The following CALN1 variants were observed in gnomAD, a reference collection of about 807,000 sequenced individuals.
CALN1 encodes the protein calneuron 1, also known as calcium-binding protein 8.
Under a neutral mutation model 30.6 loss-of-function variants are expected in CALN1, and 17 were observed. The observed-to-expected ratio is 0.56, with a 90% CI of 0.38 to 0.83. The LOEUF is 0.83. Among genes scored for constraint, CALN1 ranks in the 40% least tolerant of loss-of-function variants. The pLI is 0.00. For missense variants in CALN1, 291 were observed against 354.9 expected (o/e 0.82, Z 1.45); for synonymous variants, 156 against 131.4 (o/e 1.19, Z -1.28).
intron 1 of CALN1, among the ~76,000 whole-genome samples, chr7:72,406,287 A>G (rs4615448): frequency 0.21 from 32,661 of 152,136 alleles, 3,783 homozygotes; most frequent in Non-Finnish European, 0.26. Flanking sequence ...GCATCTGCAC[A>G]TAAGACAGAC....
At chr7:71,823,813 C>T (rs1788744926) in intron 5 of CALN1, among the ~76,000 whole-genome samples, 1 of 152,016 alleles carries the variant, frequency 6.6e-6, no homozygotes, top group Non-Finnish European at 1.5e-5. Context: ...TTCCACATGG[C>T]TAGGGAGGCC....
At chr7:72,362,253 C>G (rs916623110) in intron 2 of CALN1, among the ~76,000 whole-genome samples, 2 of 152,164 alleles carry the variant, frequency 1.3e-5, no homozygotes, top group Non-Finnish European at 1.5e-5. Flanking sequence ...TTATGTCTAC[C>G]AATTTGATGA....
intron 3 of CALN1, among the ~76,000 whole-genome samples, chr7:72,203,400 C>T (rs997516613): frequency 6.6e-6 from 1 of 151,990 alleles, no homozygotes; most frequent in Non-Finnish European, 1.5e-5. Flanking sequence ...ATGAGTAGGT[C>T]ATAGGTCATG....
chr7:72,209,741 CT>C lies in CALN1; in HGVS notation c.244+68944del, dbSNP rs1487368152. The stretch of plus-strand genomic sequence containing the variant: ...CCCTAAGCATCCATTACTCTACCAG[CT>C]GTCTCTATAGACTTGTCTATTCGGG... On this transcript the variant is annotated intron_variant, in intron 3 of 6. Transcript: ENST00000395275. Among the ~76,000 whole-genome samples the C allele has an allele frequency of 4.6e-5, 7 of 152,276 alleles. No homozygotes were observed. The South Asian group carries it at 1.5e-3, about 32-fold the overall frequency.
At chr7:71,967,884 C>T (rs966487838) in intron 5 of CALN1, among the ~76,000 whole-genome samples, 7 of 152,132 alleles carry the variant, frequency 4.6e-5, no homozygotes, top group Non-Finnish European at 1.0e-4. Context: ...CTAAGAATAT[C>T]TATTGCTAGC....
At chr7:72,307,588 T>C (rs560343649) in intron 2 of CALN1, among the ~76,000 whole-genome samples, 6 of 152,276 alleles carry the variant, frequency 3.9e-5, no homozygotes, top group African/African-American at 1.4e-4. Flanking sequence ...GATATGATAT[T>C]ATCTGGGCAA....
At chr7:72,344,851 T>TA (rs1802551364) in intron 2 of CALN1, among the ~76,000 whole-genome samples, 1 of 147,514 alleles carries the variant, frequency 6.8e-6, no homozygotes, top group African/African-American at 2.5e-5. Context: ...TAAGTATATA[T>TA]AGCATATATT....
chr7:72,244,593 T>G (rs1795045139), intron 3 of CALN1, among the ~76,000 whole-genome samples: 1 of 151,500 alleles, frequency 6.6e-6, no homozygotes, highest in South Asian at 2.1e-4. Flanking sequence ...CTTTCTCAGG[T>G]TGAAGAGAAT....
chr7:72,454,178 G>A, the CALN1 span, among the ~76,000 whole-genome samples: 1 of 152,174 alleles, frequency 6.6e-6, no homozygotes, highest in Non-Finnish European at 1.5e-5. Flanking sequence ...CCTCAATTCA[G>A]CTCTCAATTC....
At chr7:72,346,845 G>C (rs1802669597) in intron 2 of CALN1, among the ~76,000 whole-genome samples, 1 of 152,140 alleles carries the variant, frequency 6.6e-6, no homozygotes, top group African/African-American at 2.4e-5. Context: ...ACAGAATAAA[G>C]TAGCAATTCT....
intron 5 of CALN1, among the ~76,000 whole-genome samples, chr7:71,989,949 C>T (rs1019271103): frequency 6.6e-6 from 1 of 152,086 alleles, no homozygotes; most frequent in South Asian, 2.1e-4. Flanking sequence ...ATCAAAATTA[C>T]GTTGTAGGTT....
chr7:72,076,280 C>T (rs867100232), intron 4 of CALN1, among the ~76,000 whole-genome samples: 13 of 151,320 alleles, frequency 8.6e-5, no homozygotes, highest in African/African-American at 1.9e-4. Context: ...ACATGTACCC[C>T]GGAACTTAAA....
At chr7:72,470,670 T>C in the CALN1 span, among the ~76,000 whole-genome samples, 1 of 152,194 alleles carries the variant, frequency 6.6e-6, no homozygotes, top group East Asian at 1.9e-4. Flanking sequence ...AAATTAAAAT[T>C]AAACAATAAA....
intron 3 of CALN1, among the ~76,000 whole-genome samples, chr7:72,134,955 A>G (rs1464613555): frequency 6.6e-6 from 1 of 152,208 alleles, no homozygotes; most frequent in East Asian, 1.9e-4. Context: ...CCATTTCAAC[A>G]ATGTTTACAA....
At chr7:72,365,349 AATAATT>A (rs535825076) in intron 2 of CALN1, among the ~76,000 whole-genome samples, 10 of 152,148 alleles carry the variant, frequency 6.6e-5, no homozygotes, top group African/African-American at 1.2e-4. Flanking sequence ...AGAAAAAAAT[AATAATT>A]ATATCTTCAG....
chr7:71,852,278 T>A (rs1341629886), intron 5 of CALN1, among the ~76,000 whole-genome samples: 2 of 152,100 alleles, frequency 1.3e-5, no homozygotes, highest in African/African-American at 4.8e-5. Context: ...ATGTTTTCAC[T>A]TCTCTTGGGA....
chr7:71,928,614 T>C (rs755922796), intron 5 of CALN1, among the ~76,000 whole-genome samples: 1 of 152,208 alleles, frequency 6.6e-6, no homozygotes, highest in Non-Finnish European at 1.5e-5. Flanking sequence ...ATGTAATAGT[T>C]CACATACCAT....
intron 3 of CALN1, among the ~76,000 whole-genome samples, chr7:72,269,052 C>T (rs1796787937): frequency 6.6e-6 from 1 of 152,092 alleles, no homozygotes; most frequent in Non-Finnish European, 1.5e-5. Flanking sequence ...GACAATTTCC[C>T]AACCACAATT....
chr7:72,475,077 C>T, the CALN1 span, among the ~76,000 whole-genome samples: 4 of 152,136 alleles, frequency 2.6e-5, no homozygotes, highest in Non-Finnish European at 5.9e-5. Context: ...TAACATGCAC[C>T]GGGCTTTGTC....
Sources: allele counts gnomAD v4.1 joint callset (sites outside exome capture counted in the v4.1 genomes callset), GRCh38; gene constraint gnomAD v4.1.1; transcripts MANE v1.5; gene names NCBI Gene and HGNC (gene_info 2026-07-23, HGNC 2026-07-21).